GYS2: variants seen among roughly 807,000 people sequenced by gnomAD.
The protein encoded by GYS2 is glycogen [starch] synthase, liver.
GYS2 carries 80 observed loss-of-function variants against 85.6 expected under a neutral mutation model. The ratio of observed to expected loss-of-function variants is 0.93; its 90% CI spans 0.78 to 1.13. The LOEUF is 1.13. Ranked by LOEUF, GYS2 falls within the 50% of genes most tolerant of loss-of-function variation. The probability of loss-of-function intolerance (pLI) is 0.00; values close to 1 mark genes in which losing one functional copy is unlikely to be tolerated. For synonymous variants in GYS2, 328 were observed against 300.7 expected (o/e 1.09, Z -0.94); for missense variants, 881 against 854.9 (o/e 1.03, Z -0.38).
At chr12:21,561,516 A>T (rs1263693185) in intron 7 of GYS2, among the ~76,000 whole-genome samples, 1 of 12,152 alleles carries the variant, frequency 8.2e-5, no homozygotes, top group Non-Finnish European at 2.4e-4. Context: ...AAATAAATGT[A>T]CTATGTGGAA....
chr12:21,554,446 G>A (rs576374135), intron 11 of GYS2, among the ~76,000 whole-genome samples: 4 of 152,192 alleles, frequency 2.6e-5, no homozygotes, highest in South Asian at 2.1e-4. Flanking sequence ...TTAGTCCTTC[G>A]CATATCTAAT....
At chr12:21,541,278 A>AC (rs1565591415) in intron 13 of GYS2, among the ~76,000 whole-genome samples, 19 of 138,600 alleles carry the variant, frequency 1.4e-4, no homozygotes, top group Non-Finnish European at 2.6e-4. Context: ...CAAAAAAAAA[A>AC]AAAAAAAAAA....
At chr12:21,532,875 T>C (rs953032384), downstream of GYS2, 5 of 152,228 alleles carry the variant, frequency 3.3e-5, no homozygotes, top group African/African-American at 1.2e-4. Context: ...GCTCCAAGTA[T>C]TCTAAGTACT....
Position 21,603,869 on chromosome 12 carries a change from C to T in GYS2, c.121+603G>A, listed in dbSNP as rs1470287893. Among the ~76,000 whole-genome samples, 5 of 152,126 alleles carry T rather than the reference C, an allele frequency of 3.3e-5. No homozygotes were observed. The South Asian group carries it at 8.3e-4, about 25-fold the overall frequency. On this transcript the variant is annotated intron_variant, in intron 1 of 15. Transcript: ENST00000261195. Reference sequence around the variant, plus strand: ...AGCACAGATGAGGTTATACCTCACTCGCAAATTGTTTTATCAATTTGATTT... The same window carrying T: ...AGCACAGATGAGGTTATACCTCACTTGCAAATTGTTTTATCAATTTGATTT...
intron 4 of GYS2, among the ~76,000 whole-genome samples, chr12:21,569,976 G>T (rs111603239): frequency 1.7e-3 from 260 of 151,886 alleles, no homozygotes; most frequent in Middle Eastern, 3.4e-3. Flanking sequence ...TCCTTAATCA[G>T]CCTGACTGAT....
At chr12:21,580,310 A>G in intron 2 of GYS2, 32 bp downstream of exon 2, 3 of 1,581,746 alleles carry the variant, frequency 1.9e-6, no homozygotes, top group Non-Finnish European at 2.6e-6. Context: ...AAGTTTACTG[A>G]GAATTGCCAA....
intron 1 of GYS2, 94 bp from the exon 2 acceptor site, chr12:21,580,617 A>AT: frequency 2.1e-6 from 2 of 937,598 alleles, no homozygotes; most frequent in Non-Finnish European, 3.5e-6. Context: ...TTAAATTAGC[A>AT]TTTAGGATCC....
intron 1 of GYS2, among the ~76,000 whole-genome samples, chr12:21,585,421 A>T (rs1944561326): frequency 6.6e-6 from 1 of 152,194 alleles, no homozygotes; most frequent in South Asian, 2.1e-4. Context: ...AATGGAGGTA[A>T]GGAAGCGTAT....
chr12:21,543,052 A>G (rs1247848032), intron 12 of GYS2, among the ~76,000 whole-genome samples: 2 of 152,072 alleles, frequency 1.3e-5, no homozygotes, highest in Non-Finnish European at 2.9e-5. Flanking sequence ...CCCCATTTAA[A>G]TCTCCCTTGG....
intron 11 of GYS2, among the ~76,000 whole-genome samples, chr12:21,550,856 G>A (rs368097221): frequency 1.3e-5 from 2 of 152,000 alleles, no homozygotes; most frequent in South Asian, 2.1e-4. Flanking sequence ...CAGGAGAATC[G>A]CCTTGAACCT....
At chr12:21,590,209 C>T (rs762682625) in intron 1 of GYS2, among the ~76,000 whole-genome samples, 43 of 152,178 alleles carry the variant, frequency 2.8e-4, no homozygotes, top group Non-Finnish European at 6.0e-4. Context: ...CTAATTCACT[C>T]AGGCATTCTG....
intron 1 of GYS2, among the ~76,000 whole-genome samples, chr12:21,589,694 C>T (rs1944613345): frequency 6.6e-6 from 1 of 152,132 alleles, no homozygotes; most frequent in South Asian, 2.1e-4. Flanking sequence ...TCCACATCTG[C>T]ATTATGGACT....
intron 4 of GYS2, among the ~76,000 whole-genome samples, chr12:21,572,452 T>C (rs1332831457): frequency 6.6e-6 from 1 of 152,198 alleles, no homozygotes; most frequent in Non-Finnish European, 1.5e-5. Flanking sequence ...TGTATATAAT[T>C]TGGTATTCTT....
intron 13 of GYS2, 78 bp from the exon 14 acceptor site, chr12:21,540,651 C>A: frequency 7.7e-7 from 1 of 1,305,292 alleles, no homozygotes; most frequent in South Asian, 1.2e-5. Context: ...TTTACTAACT[C>A]TTTGGTTCCA....
At chr12:21,574,692 A>G (rs2136904265) in intron 3 of GYS2, among the ~76,000 whole-genome samples, 1 of 152,268 alleles carries the variant, frequency 6.6e-6, no homozygotes, top group Admixed American at 6.5e-5. Context: ...ATCACTGAAC[A>G]GCTGAATCAA....
Position 21,574,210 on chromosome 12 carries a change from G to T in GYS2, c.612C>A (p.Thr204=), listed in dbSNP as rs758427436. The part of the protein sequence containing the change: ...RKLPIATIFT[T]HATLLGRYLC... Reference sequence around the variant, plus strand: ...GATACCTCCCAAGTAGTGTAGCGTGGGTTGTAAATATTGTGGCAATAGGAA... The same window carrying T: ...GATACCTCCCAAGTAGTGTAGCGTGTGTTGTAAATATTGTGGCAATAGGAA... The change falls in exon 4 of 16, where the codon ACC becomes ACA. Residue 204 remains threonine (T), a synonymous_variant. Coordinates refer to ENST00000261195, the MANE Select transcript of GYS2 (RefSeq NM_021957.4). 4.3e-6 allele frequency: 7 copies of T among 1,612,980 alleles called. No individual in the cohort carries two copies. In the East Asian group the frequency reaches 1.3e-4, roughly 31 times the overall value.
intron 13 of GYS2, among the ~76,000 whole-genome samples, chr12:21,541,161 G>A (rs906372089): frequency 1.3e-5 from 2 of 151,180 alleles, no homozygotes; most frequent in Non-Finnish European, 3.0e-5. Flanking sequence ...CCAGCTACTC[G>A]GGAGGTTGGG....
intron 1 of GYS2, among the ~76,000 whole-genome samples, chr12:21,591,570 C>T (rs188561741): frequency 1.9e-4 from 29 of 152,198 alleles, no homozygotes; most frequent in Admixed American, 7.2e-4. Context: ...AGGAAACCTA[C>T]GTAACAACAC....
In GYS2 at chr12:21,574,252, A is replaced by G. The variant is rs1944419120; in HGVS notation, c.570T>C (p.Leu190=). 6.2e-6 allele frequency: 10 copies of G among 1,613,824 alleles called. No individual in the cohort carries two copies. Among genetic ancestry groups the G allele is most frequent in the Non-Finnish European group, 8.5e-6 (10 of 1,179,694 alleles). The change falls in exon 4 of 16, where the codon CTT becomes CTC. Residue 190 remains leucine, a synonymous_variant. Coordinates refer to ENST00000261195, the MANE Select transcript of GYS2 (RefSeq NM_021957.4). ...CAATAGGAAGTTTCCTGGCTCGAGA[A>G]AGGATCAGTCCAATTCCAGCCTGCC... ...HEWQAGIGLI[L]SRARKLPIAT... is the part of the protein sequence containing the mutation.
Sources: allele counts gnomAD v4.1 joint callset (sites outside exome capture counted in the v4.1 genomes callset), GRCh38; gene constraint gnomAD v4.1.1; transcripts MANE v1.5; gene names NCBI Gene and HGNC (gene_info 2026-07-23, HGNC 2026-07-21).